Variants in LINGO2 observed in about 807,000 individuals in gnomAD.
LINGO2 encodes leucine-rich repeat and immunoglobulin-like domain-containing nogo receptor-interacting protein 2.
Under a neutral mutation model 30.6 loss-of-function variants are expected in LINGO2, and 14 were observed. That is an observed-to-expected ratio of 0.46 (90% CI 0.30 to 0.72). The LOEUF (loss-of-function observed/expected upper bound fraction) is 0.72, where lower values mean the gene tolerates loss of function less well. LINGO2 is among the 30% of genes least tolerant of loss of function. The probability of loss-of-function intolerance (pLI) is 0.07; values close to 1 mark genes in which losing one functional copy is unlikely to be tolerated. For missense variants in LINGO2, 729 were observed against 751.7 expected (o/e 0.97, Z 0.35); for synonymous variants, 317 against 288.5 (o/e 1.10, Z -1.00).
At chr9:28,047,782 GAAC>G (rs1343724651) in intron 4 of LINGO2, among the ~76,000 whole-genome samples, 2 of 116,188 alleles carry the variant, frequency 1.7e-5, no homozygotes, top group African/African-American at 5.7e-5. Flanking sequence ...AAATTATACT[GAAC>G]AAGAAAAGAG....
At chr9:27,981,143 T>C (rs1820833182) in intron 5 of LINGO2, among the ~76,000 whole-genome samples, 1 of 151,830 alleles carries the variant, frequency 6.6e-6, no homozygotes, top group South Asian at 2.1e-4. Context: ...GACATCCATC[T>C]GTATTTTTCC....
chr9:28,850,324 C>T, the LINGO2 span, among the ~76,000 whole-genome samples: 7 of 151,898 alleles, frequency 4.6e-5, no homozygotes, highest in African/African-American at 9.7e-5. Flanking sequence ...AATATTCAGA[C>T]GGAGAGATAT....
At chr9:28,890,913 T>C in the LINGO2 span, among the ~76,000 whole-genome samples, 4 of 152,096 alleles carry the variant, frequency 2.6e-5, no homozygotes, top group Admixed American at 6.6e-5. Context: ...ATATGAAATG[T>C]ATTTGTAAAT....
chr9:28,187,356 C>T (rs1045337098), intron 4 of LINGO2, among the ~76,000 whole-genome samples: 7 of 151,762 alleles, frequency 4.6e-5, no homozygotes, highest in African/African-American at 1.2e-4. Context: ...TGAGCATGGT[C>T]GCAAGGGCCT....
At chr9:28,348,265 C>G (rs993432589) in intron 3 of LINGO2, among the ~76,000 whole-genome samples, 45 of 151,932 alleles carry the variant, frequency 3.0e-4, no homozygotes, top group Non-Finnish European at 4.7e-4. Flanking sequence ...GAGTGCCAGA[C>G]AGTGGGCACA....
At chr9:28,995,379 G>A in the LINGO2 span, among the ~76,000 whole-genome samples, 2 of 152,222 alleles carry the variant, frequency 1.3e-5, no homozygotes, top group South Asian at 4.1e-4. Flanking sequence ...AACAGGTGCT[G>A]GAGAGGATGT....
At chr9:28,861,135 A>ATT in the LINGO2 span, among the ~76,000 whole-genome samples, 1 of 115,816 alleles carries the variant, frequency 8.6e-6, no homozygotes, top group East Asian at 2.2e-4. Context: ...AAATTATATA[A>ATT]ATTTTTATAT....
At chr9:28,814,861 C>T in the LINGO2 span, among the ~76,000 whole-genome samples, 1 of 152,076 alleles carries the variant, frequency 6.6e-6, no homozygotes, top group African/African-American at 2.4e-5. Flanking sequence ...TGTAGAAACT[C>T]AAGAGTGACA....
intron 4 of LINGO2, among the ~76,000 whole-genome samples, chr9:28,021,458 T>C (rs1035415999): frequency 3.3e-5 from 5 of 152,154 alleles, no homozygotes; most frequent in Non-Finnish European, 5.9e-5. Context: ...GAAGAATGTA[T>C]ATTTTCCTGT....
chr9:28,126,507 T>C (rs1167213347), intron 4 of LINGO2, among the ~76,000 whole-genome samples: 1 of 152,218 alleles, frequency 6.6e-6, no homozygotes, highest in East Asian at 1.9e-4. Flanking sequence ...GACCACATCC[T>C]TGTGAAAGCT....
chr9:28,977,388 GT>G, the LINGO2 span, among the ~76,000 whole-genome samples: 1 of 151,934 alleles, frequency 6.6e-6, no homozygotes, highest in Admixed American at 6.6e-5. Context: ...CCATAGGGAT[GT>G]TTTCAGTTTA....
chr9:28,896,792 T>G, the LINGO2 span, among the ~76,000 whole-genome samples: 1 of 152,064 alleles, frequency 6.6e-6, no homozygotes, highest in Non-Finnish European at 1.5e-5. Context: ...ACATAATAAT[T>G]TAGGGATTTA....
chr9:28,741,896 G>A, the LINGO2 span, among the ~76,000 whole-genome samples: 2 of 151,900 alleles, frequency 1.3e-5, no homozygotes, highest in Non-Finnish European at 2.9e-5. Context: ...GGTTTAGCCT[G>A]GTGCTGAGAG....
At chr9:28,606,173 G>A (rs570540771) in intron 1 of LINGO2, among the ~76,000 whole-genome samples, 13 of 152,038 alleles carry the variant, frequency 8.6e-5, no homozygotes, top group South Asian at 6.2e-4. Flanking sequence ...GTCTGCTACC[G>A]TGACAACATA....
chr9:29,085,443 C>A, the LINGO2 span, among the ~76,000 whole-genome samples: 1 of 151,838 alleles, frequency 6.6e-6, no homozygotes, highest in Non-Finnish European at 1.5e-5. Flanking sequence ...GCTATGAATT[C>A]ATTTATTCTT....
At chr9:28,436,318 T>C (rs1364192230) in intron 2 of LINGO2, among the ~76,000 whole-genome samples, 1 of 152,130 alleles carries the variant, frequency 6.6e-6, no homozygotes, top group Non-Finnish European at 1.5e-5. Context: ...TTTTAACTAT[T>C]GGCACTGAAC....
chr9:27,997,593 T>C (rs1325720585), intron 5 of LINGO2, among the ~76,000 whole-genome samples: 4 of 152,236 alleles, frequency 2.6e-5, no homozygotes, highest in Non-Finnish European at 2.9e-5. Context: ...ATTGAATACT[T>C]GCAGCTAATT....
chr9:28,318,107 T>A (rs1239604022), intron 3 of LINGO2, among the ~76,000 whole-genome samples: 3 of 152,192 alleles, frequency 2.0e-5, no homozygotes. Context: ...CAAGGTTCAC[T>A]GAGTTAATAT....
intron 4 of LINGO2, among the ~76,000 whole-genome samples, chr9:28,099,876 C>G (rs1826359549): frequency 6.6e-6 from 1 of 152,172 alleles, no homozygotes; most frequent in Non-Finnish European, 1.5e-5. Context: ...AGACCCTTTA[C>G]TAATGCTGCT....
Sources: allele counts gnomAD v4.1 joint callset (sites outside exome capture counted in the v4.1 genomes callset), GRCh38; gene constraint gnomAD v4.1.1; transcripts MANE v1.5; gene names NCBI Gene and HGNC (gene_info 2026-07-23, HGNC 2026-07-21).